Variants in MAGI2 observed in about 807,000 individuals in gnomAD.
MAGI2 encodes the protein membrane associated guanylate kinase, WW and PDZ domain containing 2, also known as membrane-associated guanylate kinase, WW and PDZ domain-containing protein 2.
In MAGI2, 35 loss-of-function variants were observed where a neutral mutation model predicts 133.3. That is an observed-to-expected ratio of 0.26 (90% CI 0.20 to 0.35). The LOEUF is 0.35. MAGI2 is among the 10% of genes least tolerant of loss of function. MAGI2 has a pLI of 1.00. For missense variants in MAGI2, 1,636 were observed against 1,863.4 expected (o/e 0.88, Z 2.25); for synonymous variants, 729 against 710.6 (o/e 1.03, Z -0.41).
chr7:78,950,556 TCTC>T (rs1459658805), intron 2 of MAGI2, among the ~76,000 whole-genome samples: 1 of 152,156 alleles, frequency 6.6e-6, no homozygotes, highest in African/African-American at 2.4e-5. Context: ...CATGGAATAA[TCTC>T]CTCCCTTTTC....
At chr7:78,242,731 ACTT>A (rs1791291406) in intron 10 of MAGI2, among the ~76,000 whole-genome samples, 1 of 151,782 alleles carries the variant, frequency 6.6e-6, no homozygotes, top group South Asian at 2.1e-4. Context: ...TGTTTTGATA[ACTT>A]CTTAAGTCTT....
intron 6 of MAGI2, among the ~76,000 whole-genome samples, chr7:78,413,891 G>C (rs1004880582): frequency 6.6e-6 from 1 of 151,898 alleles, no homozygotes; most frequent in Admixed American, 6.6e-5. Context: ...AGAAGGCTGG[G>C]GACTTATTTT....
At chr7:78,571,741 A>G (rs1023484692) in intron 3 of MAGI2, among the ~76,000 whole-genome samples, 8 of 152,184 alleles carry the variant, frequency 5.3e-5, no homozygotes, top group African/African-American at 1.9e-4. Context: ...GTGGAAGAAA[A>G]ATGAGTATGA....
intron 2 of MAGI2, among the ~76,000 whole-genome samples, chr7:78,771,806 C>T (rs1041540802): frequency 6.6e-6 from 1 of 151,990 alleles, no homozygotes; most frequent in Non-Finnish European, 1.5e-5. Context: ...GACAAAAACA[C>T]CAAAGCACAT....
chr7:78,233,550 A>G (rs1327097628), intron 10 of MAGI2, among the ~76,000 whole-genome samples: 1 of 152,118 alleles, frequency 6.6e-6, no homozygotes, highest in Non-Finnish European at 1.5e-5. Context: ...ATGGTGGGGT[A>G]AATGTAGGCC....
chr7:79,039,557 C>T (rs922903323), intron 1 of MAGI2, among the ~76,000 whole-genome samples: 1 of 151,770 alleles, frequency 6.6e-6, no homozygotes, highest in Non-Finnish European at 1.5e-5. Flanking sequence ...AAACAATCAA[C>T]AGAGTGAAGA....
intron 1 of MAGI2, among the ~76,000 whole-genome samples, chr7:79,219,865 G>A (rs1830305242): frequency 6.6e-6 from 1 of 151,872 alleles, no homozygotes; most frequent in Non-Finnish European, 1.5e-5. Flanking sequence ...AAAATATTTG[G>A]CCACTAAATG....
chr7:78,552,375 G>T (rs1359714784), intron 3 of MAGI2, among the ~76,000 whole-genome samples: 1 of 151,794 alleles, frequency 6.6e-6, no homozygotes, highest in Admixed American at 6.6e-5. Context: ...TAGAGATGGG[G>T]TTTCACCATG....
chr7:78,461,156 ATTGTT>A (rs1297830760), intron 6 of MAGI2, among the ~76,000 whole-genome samples: 1 of 151,760 alleles, frequency 6.6e-6, no homozygotes, highest in African/African-American at 2.4e-5. Context: ...TTATCCAGTT[ATTGTT>A]TTAACATTCA....
intron 3 of MAGI2, among the ~76,000 whole-genome samples, chr7:78,542,957 T>C (rs1798536237): frequency 6.6e-6 from 1 of 152,158 alleles, no homozygotes; most frequent in South Asian, 2.1e-4. Flanking sequence ...ATGTGAGAGA[T>C]TCACAAGCAT....
At chr7:78,328,800 C>T (rs1447923733) in intron 9 of MAGI2, among the ~76,000 whole-genome samples, 4 of 151,950 alleles carry the variant, frequency 2.6e-5, no homozygotes, top group Non-Finnish European at 5.9e-5. Flanking sequence ...TATTCTTTCC[C>T]ACCATCCCCC....
At chr7:79,188,880 A>G (rs1319343404) in intron 1 of MAGI2, among the ~76,000 whole-genome samples, 1 of 151,894 alleles carries the variant, frequency 6.6e-6, no homozygotes, top group East Asian at 1.9e-4. Context: ...ATATGCGTGT[A>G]TATTATTTAA....
At chr7:78,493,149 C>T (rs1793773816) in intron 5 of MAGI2, among the ~76,000 whole-genome samples, 1 of 152,142 alleles carries the variant, frequency 6.6e-6, no homozygotes, top group African/African-American at 2.4e-5. Context: ...AGTGAAATTT[C>T]AGTCAAGTCC....
chr7:78,064,198 C>T (rs373065347), intron 21 of MAGI2, among the ~76,000 whole-genome samples: 12 of 152,306 alleles, frequency 7.9e-5, no homozygotes, highest in African/African-American at 2.9e-4. Context: ...GCAACTTTCT[C>T]CTTTATGCCT....
chr7:78,030,690 T>C (rs192497190), intron 21 of MAGI2, among the ~76,000 whole-genome samples: 3 of 152,342 alleles, frequency 2.0e-5, no homozygotes, highest in Admixed American at 6.5e-5. Flanking sequence ...TACCACTGCA[T>C]ACCTATGTGG....
chr7:79,409,548 G>A (rs542589928), intron 1 of MAGI2, among the ~76,000 whole-genome samples: 2 of 151,614 alleles, frequency 1.3e-5, no homozygotes, highest in South Asian at 2.1e-4. Context: ...AGAACTGAAC[G>A]GTTATTAAAC....
Position 78,256,527 on chromosome 7 carries a change from T to A in MAGI2, c.1463A>T (p.Asp488Val). 1 of 1,613,824 alleles carries A rather than the reference T, an allele frequency of 6.2e-7. No individual in the cohort carries two copies. The change falls in exon 10 of 22, where the codon GAT becomes GTT. Residue 488 changes from aspartate to valine, a missense_variant. By Grantham distance (152) the Asp-to-Val change is radical. Around this residue, in one of 5 missense-constraint regions of MAGI2, gnomAD observed 920 missense variants for 1,093.5 expected, o/e 0.84. Coordinates refer to ENST00000354212, the MANE Select transcript of MAGI2 (RefSeq NM_012301.4). ...AACAGACTGGAAAAGTTTGACAACA[T>A]CTGCATGAGTGTGTCCAAGGACACA... ...EVCVLGHTHA[D>V]VVKLFQSVPI...
rs1848205785 is a variant in MAGI2, at chr7:79,437,231, A to G, written c.301+15789T>C. ...GAGAGGGGACAAGGGTTGAAAAACT[A>G]CCTGTTGGGTACTATGTAACTATCT... On this transcript the variant is annotated intron_variant, in intron 1 of 21. Coordinates refer to ENST00000354212, the MANE Select transcript of MAGI2 (RefSeq NM_012301.4). Among the ~76,000 whole-genome samples the G allele has an allele frequency of 2.0e-5, 3 of 152,132 alleles. No homozygotes were observed. The South Asian group carries it at 6.2e-4, about 32-fold the overall frequency.
chr7:78,414,786 T>C (rs996524178), intron 6 of MAGI2, among the ~76,000 whole-genome samples: 7 of 152,032 alleles, frequency 4.6e-5, no homozygotes, highest in African/African-American at 7.2e-5. Flanking sequence ...AGAGCAAAAA[T>C]AGGCTTGACA....
Sources: gnomAD v4.1 joint callset for allele counts (sites outside exome capture counted in the v4.1 genomes callset) on GRCh38, gnomAD v4.1.1 for gene constraint, gnomAD v4.1.1 regional missense constraint, MANE v1.5 for transcripts, NCBI Gene and HGNC (gene_info 2026-07-23, HGNC 2026-07-21) for gene names.